The following CD82 variants were observed in gnomAD, a reference collection of about 807,000 sequenced individuals.
CD82 encodes CD82 molecule.
A neutral mutation model predicts 37.4 loss-of-function variants in CD82; 36 were observed. The ratio of observed to expected loss-of-function variants is 0.96; its 90% CI spans 0.74 to 1.27. CD82 has a LOEUF of 1.27. CD82 is among the 50% of genes most tolerant of loss of function. The probability of loss-of-function intolerance (pLI) is 0.00; values close to 1 mark genes in which losing one functional copy is unlikely to be tolerated. For missense variants in CD82, 340 were observed against 347.0 expected (o/e 0.98, Z 0.16); for synonymous variants, 158 against 137.4 (o/e 1.15, Z -1.05).
At chr11:44,599,060 T>TG (rs1211010509) in intron 3 of CD82, among the ~76,000 whole-genome samples, 1 of 152,212 alleles carries the variant, frequency 6.6e-6, no homozygotes, top group Non-Finnish European at 1.5e-5. Context: ...GGACTCCACC[T>TG]GGGGAGATGA....
chr11:44,592,505 G>A (rs904618963), intron 2 of CD82, among the ~76,000 whole-genome samples: 31 of 152,342 alleles, frequency 2.0e-4, no homozygotes, highest in African/African-American at 6.3e-4. Flanking sequence ...AACAGATGCC[G>A]CCTGGCTTTG....
chr11:44,596,209 C>T (rs1445093969), intron 3 of CD82, among the ~76,000 whole-genome samples: 2 of 152,242 alleles, frequency 1.3e-5, no homozygotes, highest in East Asian at 1.9e-4. Flanking sequence ...GGTCAGGTCT[C>T]TCCTGGCTGC....
At chr11:44,599,892 C>T (rs1050476074) in intron 3 of CD82, among the ~76,000 whole-genome samples, 1 of 152,188 alleles carries the variant, frequency 6.6e-6, no homozygotes, top group Non-Finnish European at 1.5e-5. Flanking sequence ...TGGCAGGAGG[C>T]TGCACCAGGA....
intron 5 of CD82, 71 bp downstream of exon 5, chr11:44,605,253 G>T (rs953032813): frequency 1.3e-4 from 207 of 1,606,696 alleles, no homozygotes; most frequent in Middle Eastern, 5.0e-4. Flanking sequence ...TGACCGCGGC[G>T]CTGGCCGTAA....
intron 3 of CD82, chr11:44,595,005 G>C (rs1246195536): frequency 2.1e-6 from 1 of 478,988 alleles, no homozygotes; most frequent in Non-Finnish European, 3.8e-6. Flanking sequence ...GGGAAGGAGA[G>C]GAGAGCCCCT....
At chr11:44,575,119 G>A (rs987361579) in intron 1 of CD82, among the ~76,000 whole-genome samples, 1 of 152,168 alleles carries the variant, frequency 6.6e-6, no homozygotes, top group Non-Finnish European at 1.5e-5. Context: ...GTGGGGGAGC[G>A]TTCTGTCTGT....
chr11:44,576,008 G>C (rs1033875560), intron 1 of CD82, among the ~76,000 whole-genome samples: 6 of 152,196 alleles, frequency 3.9e-5, no homozygotes, highest in Non-Finnish European at 8.8e-5. Flanking sequence ...ACACTGCACC[G>C]GCCCCAAGTG....
At chr11:44,617,296 C>T (rs569154857) in intron 7 of CD82, among the ~76,000 whole-genome samples, 1 of 152,316 alleles carries the variant, frequency 6.6e-6, no homozygotes, top group South Asian at 2.1e-4. Flanking sequence ...AGGTGGCTCA[C>T]ACCTGTAATC....
At chr11:44,611,799 T>C (rs1853485245) in intron 6 of CD82, among the ~76,000 whole-genome samples, 1 of 152,204 alleles carries the variant, frequency 6.6e-6, no homozygotes, top group Admixed American at 6.5e-5. Context: ...CCCAGGTGTG[T>C]CCCTCAACCA....
intron 6 of CD82, 60 bp downstream of exon 6, chr11:44,605,489 G>C: frequency 6.7e-7 from 1 of 1,496,844 alleles, no homozygotes; most frequent in Non-Finnish European, 9.3e-7. Context: ...GTGATTGACT[G>C]AGTGTGGGGG....
chr11:44,587,581 G>T, intron 2 of CD82, 25 bp downstream of exon 2: 1 of 456,264 alleles, frequency 2.2e-6, no homozygotes, highest in South Asian at 1.5e-5. Context: ...GAGAGGAGTG[G>T]TGGGTTGGAG....
At chr11:44,611,714 C>G (rs1270061065) in intron 6 of CD82, among the ~76,000 whole-genome samples, 1 of 152,200 alleles carries the variant, frequency 6.6e-6, no homozygotes, top group Non-Finnish European at 1.5e-5. Context: ...AGGGTGACCT[C>G]CCTGCACTCC....
intron 3 of CD82, among the ~76,000 whole-genome samples, chr11:44,596,581 G>T (rs1380566105): frequency 2.7e-4 from 41 of 152,200 alleles, no homozygotes; most frequent in Admixed American, 2.6e-3. Context: ...CTGCTCTCTG[G>T]CCAGGGCTTG....
intron 1 of CD82, among the ~76,000 whole-genome samples, chr11:44,586,784 A>G (rs1853061745): frequency 6.6e-6 from 1 of 152,224 alleles, no homozygotes; most frequent in Admixed American, 6.5e-5. Flanking sequence ...GGTCTAAGAA[A>G]TCTTTCCTGA....
chr11:44,569,463 G>C (rs1028478436), intron 1 of CD82, among the ~76,000 whole-genome samples: 3 of 152,212 alleles, frequency 2.0e-5, no homozygotes, highest in Admixed American at 2.0e-4. Context: ...GCTCTGCTGT[G>C]TGTATGTTGT....
chr11:44,567,580 G>A (rs1852754429), intron 1 of CD82, among the ~76,000 whole-genome samples: 1 of 152,084 alleles, frequency 6.6e-6, no homozygotes, highest in Admixed American at 6.5e-5. Flanking sequence ...ATAAATTGGA[G>A]TTTGGTATGG....
rs1291563125 is a variant in CD82, at chr11:44,618,323, C to G, written c.600C>G (p.Thr200=). 1 of 1,613,728 alleles carries G rather than the reference C, an allele frequency of 6.2e-7. No homozygotes were observed. The highest frequency in any genetic ancestry group is 1.7e-5 in the Admixed American group (1 of 60,014). Residue 200 remains threonine (T), a synonymous_variant, in exon 8 of 10, where the codon ACC becomes ACG. Coordinates refer to ENST00000227155, the MANE Select transcript of CD82 (RefSeq NM_002231.4). ...KGFCEAPGNR[T]QSGNHPEDWP... is the part of the protein sequence containing the mutation. ...TCTGCGAGGCCCCCGGCAACAGGAC[C>G]CAGAGTGGCAACCACCCTGAGGACT...
intron 7 of CD82, among the ~76,000 whole-genome samples, chr11:44,616,547 G>A (rs956740783): frequency 1.3e-5 from 2 of 152,150 alleles, no homozygotes; most frequent in Non-Finnish European, 2.9e-5. Flanking sequence ...GCTGTCAGAT[G>A]CTGCTTAGGC....
chr11:44,595,831 A>G (rs1480535062), intron 3 of CD82, among the ~76,000 whole-genome samples: 2 of 138,364 alleles, frequency 1.4e-5, no homozygotes, highest in Non-Finnish European at 3.0e-5. Flanking sequence ...GTGCTTTGGG[A>G]GGCCAAGGCA....
Sources: allele counts gnomAD v4.1 joint callset (sites outside exome capture counted in the v4.1 genomes callset), GRCh38; gene constraint gnomAD v4.1.1; transcripts MANE v1.5; gene names NCBI Gene and HGNC (gene_info 2026-07-23, HGNC 2026-07-21).